The following ADAMTS3 variants were observed in gnomAD, a reference collection of about 807,000 sequenced individuals.
The protein encoded by ADAMTS3 is ADAM metallopeptidase with thrombospondin type 1 motif 3, also known as A disintegrin and metalloproteinase with thrombospondin motifs 3.
In ADAMTS3, 73 loss-of-function variants were observed where a neutral mutation model predicts 129.0. The ratio of observed to expected loss-of-function variants is 0.57; its 90% CI spans 0.47 to 0.69. ADAMTS3 has a LOEUF of 0.69. Among genes scored for constraint, ADAMTS3 ranks in the 30% least tolerant of loss-of-function variants. The pLI is 0.00. For synonymous variants in ADAMTS3, 477 were observed against 510.8 expected (o/e 0.93, Z 0.89); for missense variants, 1,457 against 1,514.5 (o/e 0.96, Z 0.63).
intron 3 of ADAMTS3, among the ~76,000 whole-genome samples, chr4:72,489,179 T>C (rs1719669627): frequency 6.6e-6 from 1 of 151,950 alleles, no homozygotes; most frequent in Non-Finnish European, 1.5e-5. Flanking sequence ...GACAGACATT[T>C]AGGTTGTTTC....
chr4:72,370,986 A>T (rs1229173181), intron 4 of ADAMTS3, among the ~76,000 whole-genome samples: 1 of 152,190 alleles, frequency 6.6e-6, no homozygotes, highest in Non-Finnish European at 1.5e-5. Flanking sequence ...ATGTCTTTAG[A>T]ATAAAAGAGA....
intron 13 of ADAMTS3, among the ~76,000 whole-genome samples, chr4:72,311,713 A>G (rs982295595): frequency 3.3e-5 from 5 of 152,270 alleles, no homozygotes; most frequent in African/African-American, 1.2e-4. Context: ...CCAGTGGTGC[A>G]TGTAATCATA....
At chr4:72,495,939 A>T (rs1407363818) in intron 3 of ADAMTS3, among the ~76,000 whole-genome samples, 1 of 152,202 alleles carries the variant, frequency 6.6e-6, no homozygotes, top group African/African-American at 2.4e-5. Flanking sequence ...CTTTCCATGT[A>T]AGCAATCTTG....
At position 72,568,955 on chromosome 4, in the gene ADAMTS3, C is replaced by A. The variant is rs1375079732; in HGVS notation, c.-193G>T. On this transcript the variant is annotated 5_prime_UTR_variant, in exon 1 of 22. Coordinates refer to ENST00000286657, the MANE Select transcript of ADAMTS3 (RefSeq NM_014243.3). The stretch of plus-strand genomic sequence containing the variant: ...TCTGAGACTGGCCCCCTCTGCTCTG[C>A]AGTTTTTTCCACTTCACCTTCTCAC... The A allele has an allele frequency of 9.8e-6, 6 of 613,846 alleles. No individual in the cohort carries two copies. Among genetic ancestry groups the A allele is most frequent in the African/African-American group, 1.9e-5 (1 of 53,882 alleles). 38.0% of individuals were successfully genotyped at this position (613,846 alleles called of 1,614,324 possible).
chr4:72,346,784 G>T (rs531623036), intron 4 of ADAMTS3, among the ~76,000 whole-genome samples: 48 of 152,146 alleles, frequency 3.2e-4, no homozygotes, highest in Non-Finnish European at 6.3e-4. Context: ...TAAATCCAGC[G>T]ACTCTAGGTG....
intron 3 of ADAMTS3, among the ~76,000 whole-genome samples, chr4:72,516,555 C>T (rs991374981): frequency 9.9e-5 from 15 of 151,966 alleles, no homozygotes; most frequent in Admixed American, 9.8e-4. Context: ...CCTTCATGTC[C>T]CTTGTAAGTT....
intron 3 of ADAMTS3, among the ~76,000 whole-genome samples, chr4:72,500,270 C>T (rs539719280): frequency 1.7e-4 from 26 of 152,248 alleles, no homozygotes; most frequent in Admixed American, 4.6e-4. Flanking sequence ...TCTCTGCAGC[C>T]TTGACAGCAT....
intron 4 of ADAMTS3, among the ~76,000 whole-genome samples, chr4:72,380,422 C>A (rs772934003): frequency 1.1e-4 from 16 of 151,932 alleles, no homozygotes; most frequent in Non-Finnish European, 1.8e-4. Flanking sequence ...TGCAGAAGAT[C>A]GATGTATTTT....
At chr4:72,510,019 A>T (rs1361603489) in intron 3 of ADAMTS3, among the ~76,000 whole-genome samples, 6 of 152,010 alleles carry the variant, frequency 3.9e-5, no homozygotes, top group Non-Finnish European at 8.8e-5. Context: ...AAACCATATG[A>T]TCATTTCAAT....
intron 3 of ADAMTS3, among the ~76,000 whole-genome samples, chr4:72,472,245 C>T (rs747086093): frequency 6.6e-5 from 10 of 152,070 alleles, no homozygotes; most frequent in Non-Finnish European, 1.3e-4. Flanking sequence ...ATTCCATGCC[C>T]CTTAGAAGAA....
At chr4:72,556,119 T>C (rs1914700) in intron 2 of ADAMTS3, among the ~76,000 whole-genome samples, 146,124 of 151,666 alleles carry the variant, frequency 0.96, 70,780 homozygotes, top group East Asian at 1. Context: ...CCTTAGTGTA[T>C]ATTACAGGAA....
At chr4:72,411,928 T>A (rs1310742588) in intron 4 of ADAMTS3, among the ~76,000 whole-genome samples, 1 of 152,130 alleles carries the variant, frequency 6.6e-6, no homozygotes, top group Admixed American at 6.6e-5. Context: ...TATCTCTCCA[T>A]CATCTAGTTC....
chr4:72,455,297 A>G (rs981903843), intron 3 of ADAMTS3, among the ~76,000 whole-genome samples: 1 of 151,746 alleles, frequency 6.6e-6, no homozygotes, highest in Non-Finnish European at 1.5e-5. Flanking sequence ...ATGCAGCCAT[A>G]AAAAAGATAG....
chr4:72,364,920 G>C (rs750673470), intron 4 of ADAMTS3, among the ~76,000 whole-genome samples: 5 of 152,058 alleles, frequency 3.3e-5, no homozygotes, highest in Non-Finnish European at 7.4e-5. Context: ...CACTATATAA[G>C]TACATGTATC....
rs578040385 is a variant in ADAMTS3 at position 72,494,207 on chromosome 4, T to C, written c.504+54271A>G. Among the ~76,000 whole-genome samples, 10 of 152,280 alleles carry C rather than the reference T, an allele frequency of 6.6e-5. No homozygotes were observed. The South Asian group carries it at 1.9e-3, about 28-fold the overall frequency. ...TCTTCTCCTTCTTGAACTCTCAAAA[T>C]GCATATTTTAGTTTTCTTGATGATG... On this transcript the variant is annotated intron_variant, in intron 3 of 21. Coordinates refer to ENST00000286657, the MANE Select transcript of ADAMTS3 (RefSeq NM_014243.3).
At chr4:72,339,719 A>C in intron 4 of ADAMTS3, 26 bp from the exon 5 acceptor site, 1 of 1,601,198 alleles carries the variant, frequency 6.2e-7, no homozygotes, top group African/African-American at 1.3e-5. Context: ...AGGAACCAGG[A>C]ATTTCAGTTT....
chr4:72,305,925 T>C, intron 16 of ADAMTS3, 62 bp downstream of exon 16: 1 of 1,355,302 alleles, frequency 7.4e-7, no homozygotes, highest in Non-Finnish European at 1.0e-6. Context: ...TATTTAGGAT[T>C]TCTTTGACAT....
At chr4:72,501,619 T>C (rs1320309185) in intron 3 of ADAMTS3, among the ~76,000 whole-genome samples, 1 of 152,110 alleles carries the variant, frequency 6.6e-6, no homozygotes, top group Non-Finnish European at 1.5e-5. Flanking sequence ...TTCTCTTGCC[T>C]GATTTATCTG....
intron 3 of ADAMTS3, among the ~76,000 whole-genome samples, chr4:72,516,944 G>T (rs942262516): frequency 2.6e-5 from 4 of 152,032 alleles, no homozygotes; most frequent in Admixed American, 2.0e-4. Context: ...TCCAGTTTTT[G>T]CCCATTCAGT....
Sources: gnomAD v4.1 joint callset for allele counts (sites outside exome capture counted in the v4.1 genomes callset) on GRCh38, gnomAD v4.1.1 for gene constraint, MANE v1.5 for transcripts, NCBI Gene and HGNC (gene_info 2026-07-23, HGNC 2026-07-21) for gene names.